The following PRDM16 variants were observed in gnomAD, a reference collection of about 807,000 sequenced individuals.
The protein encoded by PRDM16 is PR/SET domain 16.
In PRDM16, 23 loss-of-function variants were observed where a neutral mutation model predicts 110.6. That is an observed-to-expected ratio of 0.21 (90% CI 0.15 to 0.29). The LOEUF (loss-of-function observed/expected upper bound fraction) is 0.29, where lower values mean the gene tolerates loss of function less well. PRDM16 is among the 10% of genes least tolerant of loss of function. PRDM16 has a pLI of 1.00. For missense variants in PRDM16, 1,615 were observed against 1,794.3 expected (o/e 0.90, Z 1.81); for synonymous variants, 799 against 781.8 (o/e 1.02, Z -0.37).
chr1:3,429,679 G>A (rs554925085), intron 14 of PRDM16, among the ~76,000 whole-genome samples: 12 of 152,352 alleles, frequency 7.9e-5, no homozygotes, highest in East Asian at 1.9e-4. Context: ...TGTACAGGAC[G>A]CTCTTGGCCC....
At chr1:3,395,317 G>A (rs1643368974) in intron 4 of PRDM16, among the ~76,000 whole-genome samples, 1 of 152,134 alleles carries the variant, frequency 6.6e-6, no homozygotes, top group Admixed American at 6.5e-5. Flanking sequence ...AGTGGGGATG[G>A]GAGTGTCACC....
At chr1:3,327,401 A>G (rs865985682) in intron 3 of PRDM16, among the ~76,000 whole-genome samples, 7 of 152,142 alleles carry the variant, frequency 4.6e-5, no homozygotes, top group Admixed American at 3.3e-4. Context: ...GTGGACACCC[A>G]GTCCCAACAG....
chr1:3,244,246 G>A lies in PRDM16; in HGVS notation c.438+109G>A. On this transcript the variant is annotated intron_variant, in intron 3 of 16. Transcript: ENST00000270722. The surrounding 1 kb of genome is among the most constrained non-coding windows in gnomAD (Gnocchi z 4.1). ...GAGCTAACAAGCGTGTAGTCGGAAT[G>A]TTGCTGGCAGGCCCCGAGCAATGTG... 1.0e-6 allele frequency: 1 copy of A among 1,002,284 alleles called. No individual in the cohort carries two copies. The allele number at this position is 1,002,284 out of a possible 1,614,324, so 62.1% of individuals were successfully genotyped here.
intron 12 of PRDM16, among the ~76,000 whole-genome samples, chr1:3,422,251 GCAGA>G (rs369494558): frequency 1.1e-3 from 163 of 149,472 alleles, no homozygotes; most frequent in African/African-American, 3.8e-3. Flanking sequence ...AGGCAAGAAG[GCAGA>G]CAGACAGGCA....
chr1:3,392,141 C>T (rs1208857746), intron 4 of PRDM16, among the ~76,000 whole-genome samples: 1 of 152,214 alleles, frequency 6.6e-6, no homozygotes, highest in African/African-American at 2.4e-5. Context: ...AGAGGCAGAC[C>T]GGGTCACCAG....
chr1:3,072,276 G>T (rs915984192), intron 1 of PRDM16, among the ~76,000 whole-genome samples: 2 of 152,180 alleles, frequency 1.3e-5, no homozygotes, highest in Admixed American at 6.5e-5. Flanking sequence ...CACCACCAAG[G>T]TGCTCTCTGG....
chr1:3,435,410 C>T lies in PRDM16; in HGVS notation c.*1599C>T, dbSNP rs563043860. The stretch of plus-strand genomic sequence containing the variant: ...GCGATTTTTTATGTGCCAAATACCC[C>T]CGTCCCCCCCATGAATCCTGCTGTC... On this transcript the variant is annotated 3_prime_UTR_variant, in exon 17 of 17. Transcript: ENST00000270722. The T allele has an allele frequency of 1.3e-5, 3 of 231,310 alleles. No individual in the cohort carries two copies. Among genetic ancestry groups the T allele is most frequent in the African/African-American group, 4.4e-5 (2 of 45,282 alleles). 14.3% of individuals were successfully genotyped at this position (231,310 alleles called of 1,614,324 possible). A position where few individuals can be genotyped will look rare whatever the true frequency, so the allele number is the denominator to read the frequency against.
At chr1:3,398,941 G>T (rs1394641848) in intron 5 of PRDM16, among the ~76,000 whole-genome samples, 1 of 152,210 alleles carries the variant, frequency 6.6e-6, no homozygotes, top group Admixed American at 6.5e-5. Context: ...CCCGCTTCGG[G>T]AGAACCGAGC....
At chr1:3,384,451 C>T (rs1643161602) in intron 3 of PRDM16, among the ~76,000 whole-genome samples, 1 of 152,212 alleles carries the variant, frequency 6.6e-6, no homozygotes, top group Non-Finnish European at 1.5e-5. Flanking sequence ...CAGGTCAGGT[C>T]TCCTCATCGG....
At position 3,414,590 on chromosome 1, in the gene PRDM16, C is replaced by T. The variant is rs201338158; in HGVS notation, c.2634C>T (p.Pro878=). 1,668 of 1,613,450 alleles carry T rather than the reference C, an allele frequency of 1.0e-3. 2 individuals carry two copies. Among genetic ancestry groups the T allele is most frequent in the Non-Finnish European group, 1.4e-3 (1,604 of 1,179,828 alleles). Residue 878 remains proline (P), a synonymous_variant, in exon 10 of 17, where the codon CCC becomes CCT. Coordinates refer to ENST00000270722, the MANE Select transcript of PRDM16 (RefSeq NM_022114.4). ...TAGAAAAGCGGAAGGTCACAGACCC[C>T]GTGGGAGCCCTGAAGGAGAAGTACC... ...SRVEKRKVTD[P]VGALKEKYLR... is the part of the protein sequence containing the mutation.
intron 8 of PRDM16, among the ~76,000 whole-genome samples, chr1:3,409,834 G>GGTGTGTGGTGTATGTGCGT (rs1553175975): frequency 0.13 from 16,294 of 125,530 alleles, 1,262 homozygotes; most frequent in East Asian, 0.29. Context: ...GTTGTGTGTG[G>GGTGTGTGGTGTATGTGCGT]GTGTGTGGTG....
intron 1 of PRDM16, among the ~76,000 whole-genome samples, chr1:3,144,995 A>G (rs1175009463): frequency 2.6e-5 from 4 of 152,148 alleles, no homozygotes; most frequent in Non-Finnish European, 2.9e-5. Flanking sequence ...TGAGCGAGAA[A>G]TGCTGGGAGC....
intron 12 of PRDM16, among the ~76,000 whole-genome samples, chr1:3,422,474 C>T (rs953620661): frequency 6.6e-6 from 1 of 152,254 alleles, no homozygotes; most frequent in African/African-American, 2.4e-5. Flanking sequence ...TGGGCAGAGC[C>T]TGAATGCTCA....
intron 14 of PRDM16, among the ~76,000 whole-genome samples, chr1:3,426,626 A>G (rs1638614915): frequency 6.6e-6 from 1 of 152,244 alleles, no homozygotes; most frequent in Non-Finnish European, 1.5e-5. Context: ...GTACACACAT[A>G]CACATGTGTA....
At chr1:3,233,627 G>GC (rs902824471) in intron 2 of PRDM16, among the ~76,000 whole-genome samples, 28 of 152,332 alleles carry the variant, frequency 1.8e-4, no homozygotes, top group African/African-American at 6.5e-4. Context: ...GCCTGCAGTA[G>GC]CCTCCTTCAG....
Position 3,426,118 on chromosome 1 carries a change from G to A in PRDM16, c.3177G>A (p.Ser1059=), listed in dbSNP as rs576168703. 8.7e-6 allele frequency: 14 copies of A among 1,613,866 alleles called. No homozygotes were observed. In the South Asian group the frequency reaches 8.8e-5, roughly 10 times the overall value. ...GTSASSPTSE[S]DNHALLDEKE... Reference sequence around the variant, plus strand: ...GCGCGTCCTCTCCCACCTCAGAGTCGGACAACCACGCACTTTTAGACGAGA... The same window carrying A: ...GCGCGTCCTCTCCCACCTCAGAGTCAGACAACCACGCACTTTTAGACGAGA... The change falls in exon 14 of 17, where the codon TCG becomes TCA. Residue 1059 remains serine, a synonymous_variant. Coordinates refer to ENST00000270722, the MANE Select transcript of PRDM16 (RefSeq NM_022114.4).
At position 3,434,052 on chromosome 1, in the gene PRDM16, G is replaced by A. The variant is rs1180856197; in HGVS notation, c.*241G>A. ...GAGAACACTGTTCAGTGACGGCCAT[G>A]CAGGTGGCCGTCCAAAGACAGCCAA... On this transcript the variant is annotated 3_prime_UTR_variant, in exon 17 of 17. Coordinates refer to ENST00000270722, the MANE Select transcript of PRDM16 (RefSeq NM_022114.4). 2 of 472,934 alleles carry A rather than the reference G, an allele frequency of 4.2e-6. No individual in the cohort carries two copies. Among genetic ancestry groups the A allele is most frequent in the Non-Finnish European group, 7.5e-6 (2 of 267,358 alleles). The allele number at this position is 472,934 out of a possible 1,614,324, so 29.3% of individuals were successfully genotyped here.
At position 3,359,814 on chromosome 1, in the gene PRDM16, G is replaced by A. The variant is rs1004162284; in HGVS notation, c.439-25338G>A. On this transcript the variant is annotated intron_variant, in intron 3 of 16. Coordinates refer to ENST00000270722, the MANE Select transcript of PRDM16 (RefSeq NM_022114.4). This position sits in a 1 kb window ranked among gnomAD's most constrained non-coding sequence, Gnocchi z 4.3. The stretch of plus-strand genomic sequence containing the variant: ...ACGAGCCTGGCCTGAAACCACGCCC[G>A]TGCTCAAAGTGATGTTTACTTAGAA... 5.4e-5 allele frequency among the ~76,000 whole-genome samples: 8 copies of A among 148,024 alleles called. No individual in the cohort carries two copies. The highest frequency in any genetic ancestry group is 8.0e-5 in the African/African-American group (3 of 37,564).
At chr1:3,180,594 G>T (rs1644138689) in intron 1 of PRDM16, among the ~76,000 whole-genome samples, 1 of 152,192 alleles carries the variant, frequency 6.6e-6, no homozygotes, top group Non-Finnish European at 1.5e-5. Context: ...AGGCCCCCAG[G>T]GAACCCGCAT....
Sources: allele counts gnomAD v4.1 joint callset (sites outside exome capture counted in the v4.1 genomes callset), GRCh38; gene constraint gnomAD v4.1.1; non-coding constraint Gnocchi (gnomAD v3.1); transcripts MANE v1.5; gene names NCBI Gene and HGNC (gene_info 2026-07-23, HGNC 2026-07-21).